TENM2: variants seen among roughly 807,000 people sequenced by gnomAD.
The protein encoded by TENM2 is teneurin-2.
In TENM2, 52 loss-of-function variants were observed where a neutral mutation model predicts 245.2. The observed-to-expected ratio is 0.21, with a 90% CI of 0.17 to 0.27. The LOEUF is 0.27. Among genes scored for constraint, TENM2 ranks in the 10% least tolerant of loss-of-function variants. The pLI is 1.00. For synonymous variants in TENM2, 1,363 were observed against 1,438.9 expected (o/e 0.95, Z 1.19); for missense variants, 3,046 against 3,666.8 (o/e 0.83, Z 4.37).
At chr5:167,277,388 G>A in the TENM2 span, among the ~76,000 whole-genome samples, 2 of 152,026 alleles carry the variant, frequency 1.3e-5, no homozygotes, top group African/African-American at 4.8e-5. Flanking sequence ...TTAGAAGAGT[G>A]TTGTTTACTT....
rs528829123 is a variant in TENM2 at position 167,787,167 on chromosome 5, G to C, written c.503-88819G>C. 5.2e-4 allele frequency among the ~76,000 whole-genome samples: 79 copies of C among 152,278 alleles called. 1 individual carries two copies. The highest frequency in any genetic ancestry group is 1.9e-3 in the African/African-American group (77 of 41,564). On this transcript the variant is annotated intron_variant, in intron 2 of 28. Transcript: ENST00000518659. The stretch of plus-strand genomic sequence containing the variant: ...AGATTCCACACTCAGGAGATGGGGG[G>C]ACTGGGAGAATCCAAAGTGTAGATC...
intron 2 of TENM2, among the ~76,000 whole-genome samples, chr5:167,646,425 G>A (rs1233122772): frequency 6.6e-6 from 1 of 151,630 alleles, no homozygotes; most frequent in Non-Finnish European, 1.5e-5. Context: ...ATTAAATACT[G>A]TGGAAATACG....
At chr5:167,786,965 C>T (rs1764621189) in intron 2 of TENM2, among the ~76,000 whole-genome samples, 1 of 152,360 alleles carries the variant, frequency 6.6e-6, no homozygotes, top group South Asian at 2.1e-4. Context: ...TTACTAAGCA[C>T]TTAGTAAAAT....
At chr5:167,830,191 A>G (rs1768344419) in intron 2 of TENM2, among the ~76,000 whole-genome samples, 2 of 152,230 alleles carry the variant, frequency 1.3e-5, no homozygotes, top group African/African-American at 4.8e-5. Context: ...AAACTCTCTC[A>G]GGAATATTTA....
intron 13 of TENM2, among the ~76,000 whole-genome samples, chr5:168,177,700 A>C (rs535705745): frequency 6.6e-6 from 1 of 152,308 alleles, no homozygotes; most frequent in South Asian, 2.1e-4. Flanking sequence ...AGCTGGGCAC[A>C]GTGGTGGGTG....
chr5:167,244,704 G>A, the TENM2 span, among the ~76,000 whole-genome samples: 2 of 152,228 alleles, frequency 1.3e-5, no homozygotes, highest in African/African-American at 2.4e-5. Flanking sequence ...GTACCTCCGA[G>A]GGATAGGTGC....
At chr5:168,191,237 A>C (rs886704944) in intron 14 of TENM2, among the ~76,000 whole-genome samples, 1 of 152,356 alleles carries the variant, frequency 6.6e-6, no homozygotes, top group Admixed American at 6.5e-5. Context: ...ACTTCACCCC[A>C]GGACAAGTTA....
chr5:167,506,091 GA>G (rs1241423841), intron 2 of TENM2, among the ~76,000 whole-genome samples: 1 of 151,946 alleles, frequency 6.6e-6, no homozygotes, highest in East Asian at 1.9e-4. Flanking sequence ...ATGAAGAGAA[GA>G]GCCTTCCAGG....
chr5:167,847,537 C>T (rs952788251), intron 2 of TENM2, among the ~76,000 whole-genome samples: 2 of 152,198 alleles, frequency 1.3e-5, no homozygotes, highest in Non-Finnish European at 2.9e-5. Flanking sequence ...GTTGAACCTT[C>T]CCCTGTACAC....
the TENM2 span, among the ~76,000 whole-genome samples, chr5:167,049,181 A>T: frequency 1.3e-5 from 2 of 152,222 alleles, no homozygotes; most frequent in Non-Finnish European, 2.9e-5. Context: ...TAGAGTAAAT[A>T]GTGCTTACTC....
intron 2 of TENM2, among the ~76,000 whole-genome samples, chr5:167,558,844 C>A (rs1406241597): frequency 6.6e-6 from 1 of 151,798 alleles, no homozygotes; most frequent in Non-Finnish European, 1.5e-5. Flanking sequence ...GAATCCAGAC[C>A]CTGGTGCCAA....
the TENM2 span, among the ~76,000 whole-genome samples, chr5:167,135,790 C>T: frequency 6.6e-6 from 1 of 151,180 alleles, no homozygotes; most frequent in Admixed American, 6.6e-5. Context: ...AGCGAGACTC[C>T]ATCTCAAAAA....
chr5:167,434,377 C>T lies in TENM2; in HGVS notation c.502+58904C>T, dbSNP rs556517471. On this transcript the variant is annotated intron_variant, in intron 2 of 28. Coordinates refer to ENST00000518659, the Ensembl canonical transcript of TENM2. Reference sequence around the variant, plus strand: ...TGCAGTGAGCTGAGATGTGCTGCTGCGCTCCAGCCTGGGCAACAGTGAAAG... The same window carrying T: ...TGCAGTGAGCTGAGATGTGCTGCTGTGCTCCAGCCTGGGCAACAGTGAAAG... Among the ~76,000 whole-genome samples, 7 of 128,948 alleles carry T rather than the reference C, an allele frequency of 5.4e-5. No individual in the cohort carries two copies. In the South Asian group the frequency reaches 7.7e-4, roughly 14 times the overall value. 84.6% of individuals were successfully genotyped at this position (128,948 alleles called of 152,430 possible). A position where few individuals can be genotyped will look rare whatever the true frequency, so the allele number is the denominator to read the frequency against.
intron 2 of TENM2, among the ~76,000 whole-genome samples, chr5:167,761,751 T>C (rs913827205): frequency 3.9e-5 from 6 of 152,164 alleles, no homozygotes; most frequent in African/African-American, 1.4e-4. Flanking sequence ...CCAAGGGAAC[T>C]GGAATTTCTC....
chr5:167,260,993 C>A, the TENM2 span, among the ~76,000 whole-genome samples: 1 of 152,138 alleles, frequency 6.6e-6, no homozygotes. Flanking sequence ...AGAATTATCC[C>A]ATTTCATAGA....
intron 2 of TENM2, among the ~76,000 whole-genome samples, chr5:167,674,858 A>G (rs1290219730): frequency 6.6e-6 from 1 of 152,118 alleles, no homozygotes; most frequent in Non-Finnish European, 1.5e-5. Flanking sequence ...TCAGCATTGA[A>G]GCTTTTATAA....
intron 2 of TENM2, among the ~76,000 whole-genome samples, chr5:167,807,444 G>T (rs1391527822): frequency 1.3e-5 from 2 of 151,988 alleles, no homozygotes; most frequent in Non-Finnish European, 2.9e-5. Context: ...AAGAAAACTG[G>T]ACATTGACCA....
At chr5:167,045,038 C>T in the TENM2 span, among the ~76,000 whole-genome samples, 1 of 151,930 alleles carries the variant, frequency 6.6e-6, no homozygotes, top group Admixed American at 6.6e-5. Context: ...AGAGACTGGA[C>T]CTAGAGATGA....
At chr5:168,245,944 A>G (rs930984801) in intron 26 of TENM2, among the ~76,000 whole-genome samples, 1 of 152,144 alleles carries the variant, frequency 6.6e-6, no homozygotes, top group African/African-American at 2.4e-5. Flanking sequence ...TTCAAAATGC[A>G]GGATGTGGCT....
Sources: gnomAD v4.1 joint callset for allele counts (sites outside exome capture counted in the v4.1 genomes callset) on GRCh38, gnomAD v4.1.1 for gene constraint, MANE v1.5 for transcripts, NCBI Gene and HGNC (gene_info 2026-07-23, HGNC 2026-07-21) for gene names.